The following ASB1 variants were observed in gnomAD, a reference collection of about 807,000 sequenced individuals.
ASB1 encodes the protein ankyrin repeat and SOCS box protein 1.
Under a neutral mutation model 27.7 loss-of-function variants are expected in ASB1, and 18 were observed. The observed-to-expected ratio is 0.65, with a 90% confidence interval of 0.45 to 0.96. ASB1 has a LOEUF of 0.96. Ranked by LOEUF, ASB1 falls within the 50% of genes least tolerant of loss-of-function variation. The pLI, the probability that ASB1 is intolerant of heterozygous loss-of-function variation, is 0.00. For missense variants in ASB1, 397 were observed against 451.7 expected (o/e 0.88, Z 1.10); for synonymous variants, 189 against 187.6 (o/e 1.01, Z -0.06).
Position 238,435,732 on chromosome 2 carries a change from C to T in ASB1, c.213C>T (p.Val71=), listed in dbSNP as rs1374056956. Residue 71 remains valine, a synonymous_variant, in exon 3 of 5, where the codon GTC becomes GTT. Transcript: ENST00000264607. ...GCAGCCGCATCAACGAGAAGTCTGTCTGGTGCTGTGGCTGGCTCCCCTGCA... is the reference window on the plus strand; with the variant it reads ...GCAGCCGCATCAACGAGAAGTCTGTTTGGTGCTGTGGCTGGCTCCCCTGCA... ...SYRSRINEKS[V]WCCGWLPCTP... 1 of 1,613,760 alleles carries T rather than the reference C, an allele frequency of 6.2e-7. No individual in the cohort carries two copies. The highest frequency in any genetic ancestry group is 2.2e-5 in the East Asian group (1 of 44,866).
At position 238,427,021 on chromosome 2, in the gene ASB1, G is replaced by C; in HGVS notation, c.-50G>C. ...GTGGTCGCGGGTCGTTCTGCTTCCT[G>C]CCCGAGGGGCGTGCGCGGGTCAGGG... On this transcript the variant is annotated 5_prime_UTR_variant, in exon 1 of 5. Transcript: ENST00000264607. The C allele has an allele frequency of 8.1e-7, 1 of 1,233,332 alleles. No individual in the cohort carries two copies. The allele number at this position is 1,233,332 out of a possible 1,614,324, so 76.4% of individuals were successfully genotyped here. A position where few individuals can be genotyped will look rare whatever the true frequency, so the allele number is the denominator to read the frequency against.
Position 238,447,300 on chromosome 2 carries a change from T to C in ASB1, c.*789T>C, listed in dbSNP as rs1357835164. On this transcript the variant is annotated 3_prime_UTR_variant, in exon 5 of 5. Coordinates refer to ENST00000264607, the MANE Select transcript of ASB1 (RefSeq NM_001040445.3). Reference sequence around the variant, plus strand: ...TGCCAGTTCTAATAGGCGAGGAAAATGCCCGAGGCGCTGTCTTCTGTCCCC... The same window carrying C: ...TGCCAGTTCTAATAGGCGAGGAAAACGCCCGAGGCGCTGTCTTCTGTCCCC... 1 of 152,642 alleles carries C rather than the reference T, an allele frequency of 6.6e-6. No individual in the cohort carries two copies. The highest frequency in any genetic ancestry group is 1.9e-4 in the East Asian group (1 of 5,198). 9.5% of individuals were successfully genotyped at this position (152,642 alleles called of 1,614,324 possible). A position where few individuals can be genotyped will look rare whatever the true frequency, so the allele number is the denominator to read the frequency against.
intron 3 of ASB1, among the ~76,000 whole-genome samples, chr2:238,438,199 A>ATTTTTTTCTT (rs1702008434): frequency 1.0e-5 from 1 of 98,198 alleles, no homozygotes; most frequent in African/African-American, 4.1e-5. Flanking sequence ...GATGCCCTTC[A>ATTTTTTTCTT]TTTTTTTTTT....
At chr2:238,438,533 C>T (rs2106406664) in intron 3 of ASB1, among the ~76,000 whole-genome samples, 1 of 152,298 alleles carries the variant, frequency 6.6e-6, no homozygotes, top group Non-Finnish European at 1.5e-5. Flanking sequence ...GTTACTAAGA[C>T]ATCTTACTCC....
At chr2:238,438,199 A>ATTTTTT (rs57391955) in intron 3 of ASB1, among the ~76,000 whole-genome samples, 9,156 of 97,430 alleles carry the variant, frequency 0.094, 1,238 homozygotes, top group Non-Finnish European at 0.12. Flanking sequence ...GATGCCCTTC[A>ATTTTTT]TTTTTTTTTT....
chr2:238,445,384 G>T (rs1267762482), intron 4 of ASB1, among the ~76,000 whole-genome samples: 1 of 152,174 alleles, frequency 6.6e-6, no homozygotes, highest in Non-Finnish European at 1.5e-5. Context: ...AAAACAAATT[G>T]CAAGCGGGGC....
chr2:238,442,376 T>A (rs990757829), intron 3 of ASB1, among the ~76,000 whole-genome samples: 4 of 152,138 alleles, frequency 2.6e-5, no homozygotes, highest in Admixed American at 1.3e-4. Flanking sequence ...CCTCCTAAAG[T>A]GCTGGGATTA....
At chr2:238,427,390 C>T (rs1263404875) in intron 1 of ASB1, 5 of 359,866 alleles carry the variant, frequency 1.4e-5, no homozygotes, top group Non-Finnish European at 2.5e-5. Flanking sequence ...ACTTCCTTCC[C>T]GTTAGCCGAT....
chr2:238,432,591 G>A (rs1225099559), intron 1 of ASB1, among the ~76,000 whole-genome samples: 2 of 152,142 alleles, frequency 1.3e-5, no homozygotes, highest in Non-Finnish European at 2.9e-5. Context: ...TTGCTCAGCC[G>A]TTGGATTTTG....
chr2:238,441,929 CT>C (rs1702085477), intron 3 of ASB1, among the ~76,000 whole-genome samples: 2 of 152,210 alleles, frequency 1.3e-5, no homozygotes, highest in Non-Finnish European at 2.9e-5. Flanking sequence ...GGAAAGTTCA[CT>C]TTTCATTGCT....
chr2:238,450,685 G>A lies in ASB1; in HGVS notation c.*4174G>A, dbSNP rs1422689154. 2.0e-5 allele frequency: 3 copies of A among 152,202 alleles called. No homozygotes were observed. Among genetic ancestry groups the A allele is most frequent in the Non-Finnish European group, 2.9e-5 (2 of 68,082 alleles). 9.4% of individuals were successfully genotyped at this position (152,202 alleles called of 1,614,324 possible). On this transcript the variant is annotated 3_prime_UTR_variant, in exon 5 of 5. Transcript: ENST00000264607. ...GTTTTAGGAAGTGCCAACACCCGTGGTGATGGGCCTCTGGCCACCCCTGGA... is the reference window on the plus strand; with the variant it reads ...GTTTTAGGAAGTGCCAACACCCGTGATGATGGGCCTCTGGCCACCCCTGGA...
intron 3 of ASB1, among the ~76,000 whole-genome samples, chr2:238,439,788 G>A (rs903474334): frequency 1.1e-4 from 16 of 152,096 alleles, no homozygotes; most frequent in African/African-American, 3.6e-4. Flanking sequence ...CATTACTGCC[G>A]ATACTCACTT....
chr2:238,446,482 C>G lies in ASB1; in HGVS notation c.979C>G (p.Pro327Ala). The change falls in exon 5 of 5, where the codon CCC becomes GCC. Residue 327 changes from proline (P) to alanine (A), a missense_variant. Coordinates refer to ENST00000264607, the MANE Select transcript of ASB1 (RefSeq NM_001040445.3). The stretch of plus-strand genomic sequence containing the variant: ...GATTCCTTCGCTGCCTCTGCCAGAC[C>G]CCATAAAGAAGTTTCTACTCCATGA... ...HLIPSLPLPD[P>A]IKKFLLHE 1 of 1,614,060 alleles carries G rather than the reference C, an allele frequency of 6.2e-7. No individual in the cohort carries two copies. The highest frequency in any genetic ancestry group is 8.5e-7 in the Non-Finnish European group (1 of 1,180,006).
chr2:238,439,737 G>A (rs115187923), intron 3 of ASB1, among the ~76,000 whole-genome samples: 1,679 of 152,202 alleles, frequency 0.011, 33 homozygotes, highest in African/African-American at 0.036. Context: ...GGTTGTGTTC[G>A]CATTCCCCTC....
chr2:238,438,316 C>T (rs1044688147), intron 3 of ASB1, among the ~76,000 whole-genome samples: 1 of 148,478 alleles, frequency 6.7e-6, no homozygotes, highest in Non-Finnish European at 1.5e-5. Flanking sequence ...TCTCCTGCCT[C>T]AGCCTCCCAA....
In ASB1 at chr2:238,444,431, C is replaced by G; in HGVS notation, c.584C>G (p.Pro195Arg). The change falls in exon 4 of 5, where the codon CCC (proline) becomes CGC (arginine). Residue 195 changes from proline (P) to arginine (R), a missense_variant. Physicochemically the swap from Pro to Arg is moderately radical, Grantham distance 103. Transcript: ENST00000264607. ...CGGCTCACCTCCTTGGTGGTCTGCC[C>G]CTTGTACATCAGCGCAGCCTACCAC... is the stretch of plus-strand genomic sequence containing the variant. ...SRRLTSLVVCPLYISAAYHNL... is the reference protein window; with the variant it reads ...SRRLTSLVVCRLYISAAYHNL... 6.2e-7 allele frequency: 1 copy of G among 1,614,160 alleles called. No homozygotes were observed. Among genetic ancestry groups the G allele is most frequent in the Non-Finnish European group, 8.5e-7 (1 of 1,180,036 alleles).
chr2:238,440,886 G>A (rs1702065701), intron 3 of ASB1, among the ~76,000 whole-genome samples: 1 of 152,168 alleles, frequency 6.6e-6, no homozygotes, highest in Admixed American at 6.5e-5. Flanking sequence ...GGATTAGGAG[G>A]GGCGGCCTAG....
chr2:238,433,200 G>T (rs1199235719), intron 1 of ASB1: 1 of 181,702 alleles, frequency 5.5e-6, no homozygotes, highest in Non-Finnish European at 1.2e-5. Context: ...TAGTTCCTGG[G>T]CCCCATCAAC....
chr2:238,437,489 C>G (rs754189484), intron 3 of ASB1, among the ~76,000 whole-genome samples: 2 of 151,974 alleles, frequency 1.3e-5, no homozygotes, highest in African/African-American at 2.4e-5. Context: ...CTCGGCCTCC[C>G]AAAGTGCTGG....
Sources: gnomAD v4.1 joint callset for allele counts (sites outside exome capture counted in the v4.1 genomes callset) on GRCh38, gnomAD v4.1.1 for gene constraint, MANE v1.5 for transcripts, NCBI Gene and HGNC (gene_info 2026-07-23, HGNC 2026-07-21) for gene names.